MAPK12: variants seen among roughly 807,000 people sequenced by gnomAD.
MAPK12 encodes the protein mitogen-activated protein kinase 12, also known as MAP kinase 12.
A neutral mutation model predicts 49.1 loss-of-function variants in MAPK12; 49 were observed. The ratio of observed to expected loss-of-function variants is 1.00; its 90% CI spans 0.79 to 1.27. MAPK12 has a LOEUF of 1.27. Among genes scored for constraint, MAPK12 ranks in the 50% most tolerant of loss-of-function variants. MAPK12 has a pLI of 0.00. For synonymous variants in MAPK12, 251 were observed against 209.7 expected, an observed-to-expected ratio of 1.20 and a Z score of -1.70; for missense variants, 554 against 502.4, an observed-to-expected ratio of 1.10 and a Z score of -0.98.
Position 50,256,659 on chromosome 22 carries a change from G to A in MAPK12, c.457-13C>T, listed in dbSNP as rs369827580. 6.8e-6 allele frequency: 11 copies of A among 1,607,686 alleles called. No individual in the cohort carries two copies. The highest frequency in any genetic ancestry group is 1.7e-4 in the Middle Eastern group (1 of 6,048). ...CGGGCTTCAGGTCCTGGGGGCAGAG[G>A]AAAGGTGGCCACTGTGCCCCACCCT... On this transcript the variant is annotated splice_polypyrimidine_tract_variant and intron_variant, in intron 5 of 11. Transcript: ENST00000215659.
In MAPK12 at chr22:50,255,709, G is replaced by A. The variant is rs1314290743; in HGVS notation, c.692-15C>T. On this transcript the variant is annotated splice_polypyrimidine_tract_variant and intron_variant, in intron 8 of 11. Transcript: ENST00000215659. ...CTGGTCCAGGTCTGCACCGAGGTCA[G>A]GAACACAGCTCGGGGGCCAGAGATC... The A allele has an allele frequency of 1.9e-6, 3 of 1,609,878 alleles. No individual in the cohort carries two copies. Among genetic ancestry groups the A allele is most frequent in the Non-Finnish European group, 8.5e-7 (1 of 1,179,964 alleles).
chr22:50,255,266 C>A lies in MAPK12; in HGVS notation c.955G>T (p.Asp319Tyr), dbSNP rs149438446. Residue 319 changes from aspartate to tyrosine, a missense_variant, in exon 11 of 12, where the codon GAT (aspartate) becomes TAT (tyrosine). Asp to Tyr is a radical substitution (Grantham distance 160, BLOSUM62 -3). Coordinates refer to ENST00000215659, the MANE Select transcript of MAPK12 (RefSeq NM_002969.6). The part of the protein sequence containing the change: ...PYFESLHDTE[D>Y]EPQVQKYDDS... The stretch of plus-strand genomic sequence containing the variant: ...TCATACTTCTGGACCTGGGGCTCAT[C>A]TTCCGTGTCGTGCAGGGACTCGAAG... The A allele has an allele frequency of 4.6e-5, 75 of 1,613,938 alleles. No homozygotes were observed. The African/African-American group carries it at 8.8e-4, about 19-fold the overall frequency.
In MAPK12 at chr22:50,255,254, C is replaced by T. The variant is rs1292784226; in HGVS notation, c.967G>A (p.Val323Ile). 4 of 1,613,532 alleles carry T rather than the reference C, an allele frequency of 2.5e-6. No individual in the cohort carries two copies. The highest frequency in any genetic ancestry group is 3.4e-6 in the Non-Finnish European group (4 of 1,180,020). The change falls in exon 11 of 12, where the codon GTC becomes ATC. Residue 323 changes from valine (V) to isoleucine (I), a missense_variant. By Grantham distance (29) the Val-to-Ile change is conservative. Transcript: ENST00000215659. ...SLHDTEDEPQ[V>I]QKYDDSFDDV... Reference sequence around the variant, plus strand: ...TCAAAGGAGTCATCATACTTCTGGACCTGGGGCTCATCTTCCGTGTCGTGC... The same window carrying T: ...TCAAAGGAGTCATCATACTTCTGGATCTGGGGCTCATCTTCCGTGTCGTGC...
chr22:50,253,503 C>CGA, intron 11 of MAPK12, 23 bp from the exon 12 acceptor site: 1 of 711,942 alleles, frequency 1.4e-6, no homozygotes, highest in Non-Finnish European at 2.3e-6. Context: ...GGGGGGCGGG[C>CGA]ACAACAGAGA....
rs1376983893 is a variant in MAPK12 at position 50,261,420 on chromosome 22, C to T, written c.90G>A (p.Leu30=). Reference sequence around the variant, plus strand: ...CGTAGGCGCCCGAGCCCACGGGCTGCAGGTCCCGGTACACGGCGCGCACCT... The same window carrying T: ...CGTAGGCGCCCGAGCCCACGGGCTGTAGGTCCCGGTACACGGCGCGCACCT... ...AWEVRAVYRD[L]QPVGSGAYGA... Residue 30 remains leucine (L), a synonymous_variant, in exon 1 of 12, where the codon CTG becomes CTA. Transcript: ENST00000215659. 3 of 1,250,090 alleles carry T rather than the reference C, an allele frequency of 2.4e-6. No homozygotes were observed. The highest frequency in any genetic ancestry group is 3.1e-6 in the Non-Finnish European group (3 of 974,444). 77.4% of individuals were successfully genotyped at this position (1,250,090 alleles called of 1,614,324 possible).
intron 3 of MAPK12, 136 bp downstream of exon 3, chr22:50,258,107 G>C: frequency 1.2e-6 from 1 of 814,232 alleles, no homozygotes; most frequent in Non-Finnish European, 2.2e-6. Context: ...CAGTGGTATG[G>C]GGAGGGGGTG....
At chr22:50,260,412 G>A (rs983534625) in intron 2 of MAPK12, among the ~76,000 whole-genome samples, 1 of 152,092 alleles carries the variant, frequency 6.6e-6, no homozygotes, top group Admixed American at 6.5e-5. Flanking sequence ...AGTGACGTGG[G>A]GGGCAGTGGA....
rs983902318 is a variant in MAPK12, at chr22:50,252,917, G to T, written c.*484C>A. Reference sequence around the variant, plus strand: ...CAGCCAGAACAGGGAGCTACAAAAGGGTCTATTTCCTTCCAGCCACGCGGG... The same window carrying T: ...CAGCCAGAACAGGGAGCTACAAAAGTGTCTATTTCCTTCCAGCCACGCGGG... On this transcript the variant is annotated 3_prime_UTR_variant, in exon 12 of 12. Transcript: ENST00000215659. 2 of 220,656 alleles carry T rather than the reference G, an allele frequency of 9.1e-6. No individual in the cohort carries two copies. The highest frequency in any genetic ancestry group is 4.7e-5 in the African/African-American group (2 of 42,842). The allele number at this position is 220,656 out of a possible 1,614,324, so 13.7% of individuals were successfully genotyped here.
chr22:50,253,501 G>GGGC, intron 11 of MAPK12, 21 bp from the exon 12 acceptor site: 1 of 354,168 alleles, frequency 2.8e-6, no homozygotes, highest in South Asian at 2.1e-5. Context: ...TGGGGGGGCG[G>GGGC]GCACAACAGA....
chr22:50,256,286 G>A, intron 6 of MAPK12, 87 bp from the exon 7 acceptor site: 1 of 1,023,106 alleles, frequency 9.8e-7, no homozygotes, highest in Non-Finnish European at 1.5e-6. Flanking sequence ...CGGGGGGTTG[G>A]ACTTGAAGCT....
At chr22:50,254,588 C>T (rs1384237409) in intron 11 of MAPK12, 2 of 922,880 alleles carry the variant, frequency 2.2e-6, no homozygotes, top group Non-Finnish European at 1.3e-6. Flanking sequence ...GGAGACGGAG[C>T]TTGCAGTGAG....
chr22:50,254,745 G>T, intron 11 of MAPK12: 1 of 1,089,220 alleles, frequency 9.2e-7, no homozygotes, highest in Non-Finnish European at 1.1e-6. Flanking sequence ...GAGGGTGTCA[G>T]GGTGGCCCAG....
chr22:50,257,631 G>T (rs528128277), intron 3 of MAPK12: 1 of 574,218 alleles, frequency 1.7e-6, no homozygotes, highest in South Asian at 2.0e-5. Flanking sequence ...CGATGGGGGC[G>T]CGGCAAGGCA....
At chr22:50,254,470 GT>G (rs1364779105) in intron 11 of MAPK12, 1 of 161,494 alleles carries the variant, frequency 6.2e-6, no homozygotes, top group Non-Finnish European at 1.3e-5. Context: ...GGCTAACACG[GT>G]GAAACCCCGT....
In MAPK12 at chr22:50,257,038, C is replaced by G. The variant is rs552764221; in HGVS notation, c.426+44G>C. ...CACAGGGCCCTCCTCTGCCCAGCCC[C>G]GAGGCCCTGCCTGCCTCCCTGCAGC... On this transcript the variant is annotated intron_variant, in intron 4 of 11. Transcript: ENST00000215659. The G allele has an allele frequency of 2.5e-6, 4 of 1,604,504 alleles. No individual in the cohort carries two copies. The African/African-American group carries it at 5.3e-5, about 21-fold the overall frequency.
Position 50,255,864 on chromosome 22 carries a change from C to T in MAPK12, c.637G>A (p.Gly213Ser), listed in dbSNP as rs1428764495. The part of the protein sequence containing the change: ...YTQTVDIWSV[G>S]CIMAEMITGK... Reference sequence around the variant, plus strand: ...GTGATCATCTCCGCCATGATGCAGCCCACAGACCAGATGTCCACTGAGATA... The same window carrying T: ...GTGATCATCTCCGCCATGATGCAGCTCACAGACCAGATGTCCACTGAGATA... The change falls in exon 8 of 12, where the codon GGC (glycine) becomes AGC (serine). Residue 213 changes from glycine (G) to serine (S), a missense_variant. Gly to Ser is a moderately conservative substitution (Grantham distance 56). Transcript: ENST00000215659. 1 of 1,612,766 alleles carries T rather than the reference C, an allele frequency of 6.2e-7. No individual in the cohort carries two copies.
At chr22:50,257,248 A>T in intron 3 of MAPK12, 55 bp from the exon 4 acceptor site, 1 of 1,428,052 alleles carries the variant, frequency 7.0e-7, no homozygotes, top group African/African-American at 1.4e-5. Context: ...TGCATCCCAG[A>T]GACCCACCCA....
rs747209953 is a variant in MAPK12, at chr22:50,253,411, G to A, written c.1094C>T (p.Thr365Met). ...RQLGARVSKETPL is the reference protein window; with the variant it reads ...RQLGARVSKEMPL The stretch of plus-strand genomic sequence containing the variant: ...GGAGCCCAGAGATCTTCACAGAGGC[G>A]TCTCCTTGGAGACCCTGGCCCCCAG... Residue 365 changes from threonine (T) to methionine (M), a missense_variant, in exon 12 of 12, where the codon ACG (threonine) becomes ATG (methionine). Coordinates refer to ENST00000215659, the MANE Select transcript of MAPK12 (RefSeq NM_002969.6). The A allele has an allele frequency of 1.4e-5, 22 of 1,538,412 alleles. No individual in the cohort carries two copies. The highest frequency in any genetic ancestry group is 1.7e-4 in the Middle Eastern group (1 of 5,942).
intron 9 of MAPK12, 22 bp from the exon 10 acceptor site, chr22:50,255,553 G>A (rs777472107): frequency 1.9e-6 from 3 of 1,613,146 alleles, no homozygotes; most frequent in South Asian, 2.2e-5. Context: ...GAAAGGGTGA[G>A]GGGCCAACAC....
Sources: gnomAD v4.1 joint callset for allele counts (sites outside exome capture counted in the v4.1 genomes callset) on GRCh38, gnomAD v4.1.1 for gene constraint, MANE v1.5 for transcripts, NCBI Gene and HGNC (gene_info 2026-07-23, HGNC 2026-07-21) for gene names.